NEK7: variants seen among roughly 807,000 people sequenced by gnomAD.
NEK7 encodes serine/threonine-protein kinase Nek7.
A neutral mutation model predicts 44.6 loss-of-function variants in NEK7; 18 were observed. That is an observed-to-expected ratio of 0.40 (90% confidence interval 0.28 to 0.60). The LOEUF is 0.60. NEK7 is among the 20% of genes least tolerant of loss of function. The pLI, the probability that NEK7 is intolerant of heterozygous loss-of-function variation, is 0.38. For missense variants in NEK7, 256 were observed against 366.5 expected (o/e 0.70, Z 2.46); for synonymous variants, 130 against 121.1 (o/e 1.07, Z -0.48).
chr1:198,238,137 C>A (rs1047334678), intron 2 of NEK7, among the ~76,000 whole-genome samples: 1 of 152,136 alleles, frequency 6.6e-6, no homozygotes, highest in African/African-American at 2.4e-5. Context: ...TACATTCTCC[C>A]TTTCTTATTG....
rs1474705517 is a variant in NEK7 at position 198,322,158 on chromosome 1, TATG to T, written c.*2639_*2641del. 6.6e-6 allele frequency: 1 copy of T among 152,212 alleles called. No homozygotes were observed. 9.4% of individuals were successfully genotyped at this position (152,212 alleles called of 1,614,324 possible). ...TTCAGGTGTTGCTGTTAACATTTACTATGATATTTATTTTAACCAAAATGTTAC... is the reference window on the plus strand; with the variant it reads ...TTCAGGTGTTGCTGTTAACATTTACTATATTTATTTTAACCAAAATGTTAC... On this transcript the variant is annotated 3_prime_UTR_variant, in exon 10 of 10. Coordinates refer to ENST00000367385, the MANE Select transcript of NEK7 (RefSeq NM_133494.3).
chr1:198,186,025 C>G (rs1664912446), intron 1 of NEK7, among the ~76,000 whole-genome samples: 1 of 152,140 alleles, frequency 6.6e-6, no homozygotes, highest in Non-Finnish European at 1.5e-5. Context: ...ATAATCTTAT[C>G]TCGAAGGAGC....
At chr1:198,159,138 G>A (rs1004501945) in intron 1 of NEK7, among the ~76,000 whole-genome samples, 7 of 152,228 alleles carry the variant, frequency 4.6e-5, no homozygotes, top group African/African-American at 1.7e-4. Flanking sequence ...CCGCCCTCCG[G>A]AGTACTGACG....
chr1:198,313,428 A>C (rs1419411457), intron 9 of NEK7, among the ~76,000 whole-genome samples: 1 of 143,758 alleles, frequency 7.0e-6, no homozygotes, highest in Admixed American at 7.0e-5. Flanking sequence ...TGGAGCATTT[A>C]GTCCATTTAC....
intron 7 of NEK7, among the ~76,000 whole-genome samples, chr1:198,292,402 T>C (rs1654586580): frequency 1.3e-5 from 2 of 152,016 alleles, no homozygotes; most frequent in Admixed American, 6.6e-5. Context: ...TCCTTTGATG[T>C]ACAAAAGTCT....
At chr1:198,193,784 A>T (rs1440305725) in intron 1 of NEK7, among the ~76,000 whole-genome samples, 3 of 152,182 alleles carry the variant, frequency 2.0e-5, no homozygotes, top group African/African-American at 7.2e-5. Flanking sequence ...CTAGGTATTG[A>T]AGGAACATAC....
chr1:198,253,970 T>A (rs1653165635), intron 3 of NEK7, among the ~76,000 whole-genome samples: 1 of 152,284 alleles, frequency 6.6e-6, no homozygotes, highest in East Asian at 1.9e-4. Context: ...TACTTCCCTT[T>A]TTCAATTATG....
chr1:198,268,750 G>A (rs1415364554), intron 5 of NEK7, among the ~76,000 whole-genome samples: 4 of 152,124 alleles, frequency 2.6e-5, no homozygotes, highest in Admixed American at 6.6e-5. Context: ...ATCCGAGTCC[G>A]TTTTGTGTAT....
chr1:198,183,562 TA>T (rs930203619), intron 1 of NEK7, among the ~76,000 whole-genome samples: 3 of 152,220 alleles, frequency 2.0e-5, no homozygotes, highest in African/African-American at 7.2e-5. Context: ...TGACTTATAG[TA>T]AATAAACATT....
chr1:198,288,318 C>T (rs758610487), intron 7 of NEK7, among the ~76,000 whole-genome samples: 9 of 152,206 alleles, frequency 5.9e-5, no homozygotes, highest in Non-Finnish European at 1.0e-4. Context: ...ACCTCCCAGC[C>T]GCCATAACAG....
At chr1:198,301,053 C>T (rs1654867190) in intron 9 of NEK7, among the ~76,000 whole-genome samples, 1 of 152,158 alleles carries the variant, frequency 6.6e-6, no homozygotes, top group Non-Finnish European at 1.5e-5. Context: ...ACAAACTTAT[C>T]TCATGAAACT....
At chr1:198,209,354 T>G (rs544372899) in intron 1 of NEK7, among the ~76,000 whole-genome samples, 1 of 152,196 alleles carries the variant, frequency 6.6e-6, no homozygotes, top group East Asian at 1.9e-4. Flanking sequence ...TTACAGATTC[T>G]TAGTAGAATA....
intron 1 of NEK7, among the ~76,000 whole-genome samples, chr1:198,167,789 T>C (rs1190946704): frequency 6.6e-6 from 1 of 152,210 alleles, no homozygotes; most frequent in Admixed American, 6.5e-5. Context: ...CTGTCTTGCA[T>C]GTCTGGCCAC....
intron 9 of NEK7, among the ~76,000 whole-genome samples, chr1:198,299,639 A>G (rs1011436716): frequency 2.0e-5 from 3 of 152,302 alleles, no homozygotes; most frequent in African/African-American, 4.8e-5. Flanking sequence ...AAGCAAATCA[A>G]CTTATCAGGT....
At chr1:198,275,805 G>T (rs1438415906) in intron 5 of NEK7, among the ~76,000 whole-genome samples, 1 of 150,864 alleles carries the variant, frequency 6.6e-6, no homozygotes, top group Non-Finnish European at 1.5e-5. Context: ...AGAACAGACA[G>T]GCTTTTCTCA....
chr1:198,174,201 T>C (rs1938379), intron 1 of NEK7, among the ~76,000 whole-genome samples: 82,862 of 152,020 alleles, frequency 0.55, 25,471 homozygotes, highest in East Asian at 0.9. Context: ...AATTTTAAAA[T>C]GTAAAATATA....
intron 1 of NEK7, chr1:198,197,809 G>T: frequency 1.3e-6 from 1 of 756,066 alleles, no homozygotes; most frequent in Non-Finnish European, 2.4e-6. Context: ...AAGAGGAGGA[G>T]GAATGCTTGC....
chr1:198,246,120 G>A (rs1005492623), intron 2 of NEK7, among the ~76,000 whole-genome samples: 2 of 152,144 alleles, frequency 1.3e-5, no homozygotes, highest in Non-Finnish European at 2.9e-5. Context: ...ATGAAGTATG[G>A]CATTGAAAAC....
intron 1 of NEK7, among the ~76,000 whole-genome samples, chr1:198,164,600 T>C (rs1664209892): frequency 6.6e-6 from 1 of 152,242 alleles, no homozygotes; most frequent in Non-Finnish European, 1.5e-5. Context: ...AATAGCATTA[T>C]GTCTAAAAAA....
Sources: allele counts gnomAD v4.1 joint callset (sites outside exome capture counted in the v4.1 genomes callset), GRCh38; gene constraint gnomAD v4.1.1; transcripts MANE v1.5; gene names NCBI Gene and HGNC (gene_info 2026-07-23, HGNC 2026-07-21).